CDH12: variants seen among roughly 807,000 people sequenced by gnomAD.
CDH12 encodes cadherin 12.
Under a neutral mutation model 74.1 loss-of-function variants are expected in CDH12, and 41 were observed. That is an observed-to-expected ratio of 0.55 (90% CI 0.43 to 0.72). CDH12 has a LOEUF of 0.72. Ranked by LOEUF, CDH12 falls within the 30% of genes least tolerant of loss-of-function variation. The pLI is 0.00. For missense variants in CDH12, 945 were observed against 977.2 expected (o/e 0.97, Z 0.44); for synonymous variants, 399 against 355.0 (o/e 1.12, Z -1.39).
intron 1 of CDH12, among the ~76,000 whole-genome samples, chr5:22,624,516 T>C (rs1738166088): frequency 6.6e-6 from 1 of 152,106 alleles, no homozygotes; most frequent in Non-Finnish European, 1.5e-5. Flanking sequence ...AACAGACACT[T>C]CTCAAAAGAA....
chr5:22,445,988 C>A (rs1351449566), intron 2 of CDH12, among the ~76,000 whole-genome samples: 1 of 152,088 alleles, frequency 6.6e-6, no homozygotes, highest in African/African-American at 2.4e-5. Flanking sequence ...TCTTCGCCTC[C>A]CTCAAATGAT....
intron 4 of CDH12, among the ~76,000 whole-genome samples, chr5:22,079,892 G>A (rs898434999): frequency 7.7e-6 from 1 of 129,086 alleles, no homozygotes; most frequent in Non-Finnish European, 1.5e-5. Flanking sequence ...GGCAGATTAT[G>A]CAAATGGAAA....
intron 3 of CDH12, among the ~76,000 whole-genome samples, chr5:22,235,441 G>A (rs1328087589): frequency 1.3e-5 from 2 of 151,962 alleles, no homozygotes; most frequent in African/African-American, 4.8e-5. Flanking sequence ...AATTAGGCAG[G>A]CGTGGTGTGG....
At chr5:22,682,511 A>T (rs1741549000) in intron 1 of CDH12, among the ~76,000 whole-genome samples, 1 of 152,078 alleles carries the variant, frequency 6.6e-6, no homozygotes, top group African/African-American at 2.4e-5. Flanking sequence ...GATTCTATTT[A>T]AAATTTTAAG....
intron 5 of CDH12, among the ~76,000 whole-genome samples, chr5:22,045,470 A>G (rs1739873790): frequency 6.6e-6 from 1 of 152,192 alleles, no homozygotes; most frequent in Non-Finnish European, 1.5e-5. Context: ...AGTATGTTGA[A>G]GAAATATTTG....
At chr5:22,140,496 GT>G (rs1237999728) in intron 4 of CDH12, among the ~76,000 whole-genome samples, 2 of 151,980 alleles carry the variant, frequency 1.3e-5, no homozygotes, top group African/African-American at 4.8e-5. Flanking sequence ...ATTTGTATGT[GT>G]TTTTTCACAA....
chr5:22,603,535 A>C (rs1274685081), intron 1 of CDH12, among the ~76,000 whole-genome samples: 2 of 152,180 alleles, frequency 1.3e-5, no homozygotes, highest in Non-Finnish European at 2.9e-5. Flanking sequence ...CCTAAATATC[A>C]GGGAAATAAG....
intron 2 of CDH12, among the ~76,000 whole-genome samples, chr5:22,434,000 A>G (rs987287795): frequency 6.6e-6 from 1 of 152,144 alleles, no homozygotes; most frequent in Non-Finnish European, 1.5e-5. Flanking sequence ...AGTCGTTCTG[A>G]TCACAGCTCA....
chr5:22,736,426 GT>G (rs1444417190), intron 1 of CDH12, among the ~76,000 whole-genome samples: 1 of 151,664 alleles, frequency 6.6e-6, no homozygotes, highest in Non-Finnish European at 1.5e-5. Context: ...ATTGTATTTA[GT>G]TTTGCTGTTG....
chr5:22,119,320 T>G (rs951921259), intron 4 of CDH12, among the ~76,000 whole-genome samples: 3 of 149,218 alleles, frequency 2.0e-5, no homozygotes, highest in African/African-American at 5.0e-5. Flanking sequence ...AGATGGAGTC[T>G]TGATGTGTTG....
At chr5:21,790,150 T>C (rs1458041610) in intron 10 of CDH12, among the ~76,000 whole-genome samples, 1 of 152,088 alleles carries the variant, frequency 6.6e-6, no homozygotes, top group Non-Finnish European at 1.5e-5. Flanking sequence ...ATCACCTTGT[T>C]TATAGTTAAT....
At position 22,217,586 on chromosome 5, in the gene CDH12, C is replaced by T. The variant is rs560581066; in HGVS notation, c.-332-4943G>A. On this transcript the variant is annotated intron_variant, in intron 3 of 14. Transcript: ENST00000382254. ...TCTATTTTGTATCTTTGAGGTATGA[C>T]TATGAAGTTCAAGTAAAATTAGATA... Among the ~76,000 whole-genome samples, 3 of 151,668 alleles carry T rather than the reference C, an allele frequency of 2.0e-5. No homozygotes were observed. In the South Asian group the frequency reaches 6.2e-4, roughly 31 times the overall value.
At chr5:22,432,751 T>C (rs1744226821) in intron 2 of CDH12, among the ~76,000 whole-genome samples, 1 of 152,182 alleles carries the variant, frequency 6.6e-6, no homozygotes, top group South Asian at 2.1e-4. Flanking sequence ...AATTTTTCAA[T>C]ATTCCAAAGT....
At chr5:22,616,997 C>T (rs1345909563) in intron 1 of CDH12, among the ~76,000 whole-genome samples, 13 of 151,950 alleles carry the variant, frequency 8.6e-5, no homozygotes, top group Middle Eastern at 3.4e-3. Context: ...CCTGAGTAGC[C>T]GGGACTAGAG....
intron 3 of CDH12, among the ~76,000 whole-genome samples, chr5:22,374,318 T>A (rs1434520360): frequency 1.3e-5 from 2 of 151,954 alleles, no homozygotes; most frequent in African/African-American, 2.4e-5. Flanking sequence ...CTCAAAATAA[T>A]AAAGACTGGC....
At chr5:22,438,238 T>C (rs1030469249) in intron 2 of CDH12, among the ~76,000 whole-genome samples, 2 of 152,066 alleles carry the variant, frequency 1.3e-5, no homozygotes, top group Non-Finnish European at 2.9e-5. Flanking sequence ...AGTCCTCCTA[T>C]TACAATTTGA....
intron 1 of CDH12, among the ~76,000 whole-genome samples, chr5:22,775,249 T>C (rs1226529724): frequency 6.6e-6 from 1 of 152,022 alleles, no homozygotes. Flanking sequence ...TTAACATTTA[T>C]CATTGTTACA....
chr5:22,332,021 C>T (rs934101151), intron 3 of CDH12, among the ~76,000 whole-genome samples: 1 of 152,048 alleles, frequency 6.6e-6, no homozygotes, highest in African/African-American at 2.4e-5. Context: ...TATAAAATAA[C>T]TTCAAAAGGG....
At chr5:22,355,523 A>AAATAT (rs149384377) in intron 3 of CDH12, among the ~76,000 whole-genome samples, 6 of 84,018 alleles carry the variant, frequency 7.1e-5, no homozygotes, top group African/African-American at 1.8e-4. Context: ...TTAAAAAAAA[A>AAATAT]ATATATATAT....
Sources: gnomAD v4.1 joint callset for allele counts (sites outside exome capture counted in the v4.1 genomes callset) on GRCh38, gnomAD v4.1.1 for gene constraint, MANE v1.5 for transcripts, NCBI Gene and HGNC (gene_info 2026-07-23, HGNC 2026-07-21) for gene names.